GARIN1B: variants seen among roughly 807,000 people sequenced by gnomAD.
The protein encoded by GARIN1B is Golgi-associated RAB2 interactor protein 1B.
chr7:128,715,606 G>C, the GARIN1B span: 1 of 1,614,190 alleles, frequency 6.2e-7, no homozygotes. Flanking sequence ...TAGGTGTGGA[G>C]GAGGGACTGC....
the GARIN1B span, among the ~76,000 whole-genome samples, chr7:128,722,665 G>A: frequency 1.3e-5 from 2 of 152,144 alleles, no homozygotes; most frequent in Non-Finnish European, 2.9e-5. Context: ...TTAGCTAGGT[G>A]TGGTGGCAGA....
the GARIN1B span, among the ~76,000 whole-genome samples, chr7:128,714,605 G>C: frequency 8.3e-4 from 126 of 151,720 alleles, 1 homozygote; most frequent in Non-Finnish European, 1.5e-3. Context: ...TTAGAATTTG[G>C]TCCAAATTAG....
At chr7:128,724,635 C>A in the GARIN1B span, 26 of 1,022,886 alleles carry the variant, frequency 2.5e-5, no homozygotes, top group Non-Finnish European at 3.1e-5. Flanking sequence ...ATATTCAGTC[C>A]CAGATAAAGT....
the GARIN1B span, among the ~76,000 whole-genome samples, chr7:128,710,482 A>G: frequency 4.6e-5 from 7 of 151,958 alleles, no homozygotes; most frequent in South Asian, 6.3e-4. Flanking sequence ...ACTATTTTCT[A>G]TATCTCTCAT....
At chr7:128,731,283 C>T in the GARIN1B span, 1 of 721,098 alleles carries the variant, frequency 1.4e-6, no homozygotes, top group Non-Finnish European at 2.5e-6. Context: ...ATAACCACGT[C>T]CTCGCCACTG....
chr7:128,711,734 G>T, the GARIN1B span, among the ~76,000 whole-genome samples: 16 of 151,758 alleles, frequency 1.1e-4, no homozygotes, highest in Admixed American at 9.9e-4. Flanking sequence ...GGACTATGCT[G>T]AGTTTTATTA....
chr7:128,730,012 C>T, the GARIN1B span: 14 of 1,614,192 alleles, frequency 8.7e-6, no homozygotes, highest in Non-Finnish European at 1.2e-5. Context: ...CCTGCAGCCC[C>T]TCTCACTACT....
the GARIN1B span, chr7:128,731,039 A>G: frequency 6.8e-7 from 1 of 1,476,808 alleles, no homozygotes; most frequent in African/African-American, 1.4e-5. Flanking sequence ...CTGTGTGCCC[A>G]CAAAAGAGCT....
chr7:128,713,931 C>G, the GARIN1B span: 1 of 1,478,080 alleles, frequency 6.8e-7, no homozygotes, highest in Non-Finnish European at 9.1e-7. Context: ...AGGTTATTTC[C>G]AGGGAAATGC....
At chr7:128,730,172 G>A in the GARIN1B span, 1 of 1,340,186 alleles carries the variant, frequency 7.5e-7, no homozygotes, top group East Asian at 2.3e-5. Flanking sequence ...CCAGAAAGTT[G>A]TGGGGTGTGG....
chr7:128,723,123 T>C, the GARIN1B span: 213 of 1,459,840 alleles, frequency 1.5e-4, no homozygotes, highest in Non-Finnish European at 1.9e-4. Context: ...CTTTAGAGTC[T>C]GGACCATGAT....
chr7:128,719,406 C>T, the GARIN1B span, among the ~76,000 whole-genome samples: 6,026 of 151,770 alleles, frequency 0.04, 159 homozygotes, highest in Non-Finnish European at 0.057. Context: ...AGTCGTGTAA[C>T]CATCACCACA....
the GARIN1B span, chr7:128,729,882 C>G: frequency 1.2e-6 from 2 of 1,609,058 alleles, no homozygotes. Flanking sequence ...CAAGCAAATG[C>G]ATTTCTTTAC....
chr7:128,730,098 T>C, the GARIN1B span: 1 of 1,600,522 alleles, frequency 6.2e-7, no homozygotes, highest in Non-Finnish European at 8.5e-7. Context: ...TCCCCTGCCA[T>C]TGTGGGGCAG....
At chr7:128,722,616 C>T in the GARIN1B span, among the ~76,000 whole-genome samples, 92 of 152,120 alleles carry the variant, frequency 6.0e-4, 1 homozygote, top group Admixed American at 1.2e-3. Context: ...CCAGCCTGGC[C>T]AACATGGTGA....
chr7:128,713,852 G>C, the GARIN1B span: 1 of 717,264 alleles, frequency 1.4e-6, no homozygotes, highest in Admixed American at 2.4e-5. Context: ...TTGTGGTTAA[G>C]CTTTAACTGT....
the GARIN1B span, among the ~76,000 whole-genome samples, chr7:128,714,351 C>T: frequency 0.29 from 43,307 of 151,742 alleles, 6,513 homozygotes; most frequent in Middle Eastern, 0.43. Context: ...TCGAGGTGGG[C>T]GGATCATCTG....
At chr7:128,720,682 G>A in the GARIN1B span, among the ~76,000 whole-genome samples, 1 of 152,084 alleles carries the variant, frequency 6.6e-6, no homozygotes, top group South Asian at 2.1e-4. Context: ...TTGTGTATAT[G>A]GATATGTAAT....
the GARIN1B span, chr7:128,713,762 G>A: frequency 2.6e-6 from 1 of 384,790 alleles, no homozygotes; most frequent in East Asian, 6.5e-5. Flanking sequence ...AAGAGAAGAA[G>A]TCATCTCCCC....
Sources: allele counts gnomAD v4.1 joint callset (sites outside exome capture counted in the v4.1 genomes callset), GRCh38; gene constraint gnomAD v4.1.1; transcripts MANE v1.5; gene names NCBI Gene and HGNC (gene_info 2026-07-23, HGNC 2026-07-21).